Variants in RIN3 observed in about 807,000 individuals in gnomAD.
The protein encoded by RIN3 is Ras and Rab interactor 3.
In RIN3, 54 loss-of-function variants were observed where a neutral mutation model predicts 76.3. That is an observed-to-expected ratio of 0.71 (90% CI 0.57 to 0.89). RIN3 has a LOEUF of 0.89. Among genes scored for constraint, RIN3 ranks in the 40% least tolerant of loss-of-function variants. RIN3 has a pLI of 0.00. For synonymous variants in RIN3, 576 were observed against 564.0 expected (o/e 1.02, Z -0.30); for missense variants, 1,256 against 1,322.1 (o/e 0.95, Z 0.78).
intron 1 of RIN3, among the ~76,000 whole-genome samples, chr14:92,518,310 C>T (rs949966167): frequency 6.6e-6 from 1 of 152,240 alleles, no homozygotes; most frequent in African/African-American, 2.4e-5. Context: ...CTTGGCACTC[C>T]ATAAATGCTT....
At position 92,685,972 on chromosome 14, in the gene RIN3, C is replaced by A. The variant is rs1888842348; in HGVS notation, c.2631+822C>A. On this transcript the variant is annotated intron_variant, in intron 9 of 9. Transcript: ENST00000216487. This position sits in a 1 kb window ranked among gnomAD's most constrained non-coding sequence, Gnocchi z 4.7. ...TCATCCTCTGCATATGAAGCTGTCA[C>A]CTCTGGGAGGGCACAGCCCATGGTT... The A allele has an allele frequency of 6.6e-6, 1 of 152,470 alleles. No homozygotes were observed. Among genetic ancestry groups the A allele is most frequent in the Non-Finnish European group, 1.5e-5 (1 of 68,242 alleles). The allele number at this position is 152,470 out of a possible 1,614,324, so 9.4% of individuals were successfully genotyped here. A position where few individuals can be genotyped will look rare whatever the true frequency, so the allele number is the denominator to read the frequency against.
At chr14:92,543,743 C>T (rs1296477937) in intron 1 of RIN3, among the ~76,000 whole-genome samples, 4 of 151,416 alleles carry the variant, frequency 2.6e-5, no homozygotes, top group Admixed American at 1.3e-4. Flanking sequence ...CCACCACACC[C>T]GGCTAATTTT....
intron 4 of RIN3, among the ~76,000 whole-genome samples, chr14:92,616,489 A>G (rs1454985003): frequency 1.3e-5 from 2 of 152,128 alleles, no homozygotes; most frequent in African/African-American, 2.4e-5. Context: ...AATCAGCCTT[A>G]TGTTCCCTGC....
At chr14:92,634,711 A>T (rs1886714078) in intron 4 of RIN3, among the ~76,000 whole-genome samples, 1 of 152,094 alleles carries the variant, frequency 6.6e-6, no homozygotes, top group Non-Finnish European at 1.5e-5. Context: ...TACAAACTTT[A>T]GCTGGGGGTG....
chr14:92,658,360 G>T (rs1463538465), intron 6 of RIN3, among the ~76,000 whole-genome samples: 1 of 152,236 alleles, frequency 6.6e-6, no homozygotes, highest in East Asian at 1.9e-4. Flanking sequence ...GCAGGAGCAG[G>T]CCTGGCAGTT....
chr14:92,523,149 G>C (rs1012533849), intron 1 of RIN3, among the ~76,000 whole-genome samples: 1 of 152,168 alleles, frequency 6.6e-6, no homozygotes, highest in African/African-American at 2.4e-5. Flanking sequence ...TTTTGCTCTT[G>C]TCACCCAGGC....
At chr14:92,624,600 G>A (rs1488273048) in intron 4 of RIN3, among the ~76,000 whole-genome samples, 1 of 152,066 alleles carries the variant, frequency 6.6e-6, no homozygotes, top group Non-Finnish European at 1.5e-5. Context: ...GCTTCGGAGG[G>A]GCAGAGATAT....
chr14:92,548,124 T>G (rs1000436519), intron 1 of RIN3, among the ~76,000 whole-genome samples: 14 of 152,236 alleles, frequency 9.2e-5, no homozygotes, highest in African/African-American at 3.4e-4. Context: ...TGGAAATTAT[T>G]TCTATGTATA....
chr14:92,599,239 G>A lies in RIN3; in HGVS notation c.368-16168G>A, dbSNP rs147934056. On this transcript the variant is annotated intron_variant, in intron 3 of 9. Coordinates refer to ENST00000216487, the MANE Select transcript of RIN3 (RefSeq NM_024832.5). ...TGTGCCTGCTAAACAGAAGCCCCCC[G>A]CCCTTGGGGGTGTGAAGACTGGAGT... Among the ~76,000 whole-genome samples, 544 of 135,124 alleles carry A rather than the reference G, an allele frequency of 4.0e-3. 4 individuals carry two copies. Among genetic ancestry groups the A allele is most frequent in the African/African-American group, 0.014 (511 of 36,480 alleles). 88.6% of individuals were successfully genotyped at this position (135,124 alleles called of 152,430 possible).
chr14:92,672,265 A>T (rs1888310488), intron 7 of RIN3, among the ~76,000 whole-genome samples: 1 of 152,106 alleles, frequency 6.6e-6, no homozygotes, highest in Non-Finnish European at 1.5e-5. Context: ...TACAAAAATT[A>T]GCCAGGCGTG....
chr14:92,673,438 C>A (rs1236340247), intron 7 of RIN3, among the ~76,000 whole-genome samples: 1 of 151,666 alleles, frequency 6.6e-6, no homozygotes, highest in African/African-American at 2.4e-5. Flanking sequence ...AAGATAAGTA[C>A]TATTTTAATG....
At chr14:92,520,111 G>T (rs1205113744) in intron 1 of RIN3, among the ~76,000 whole-genome samples, 1 of 152,216 alleles carries the variant, frequency 6.6e-6, no homozygotes, top group Non-Finnish European at 1.5e-5. Flanking sequence ...ATACCCAGGG[G>T]TGCCCCCACC....
At chr14:92,661,360 C>T (rs1313627766) in intron 7 of RIN3, among the ~76,000 whole-genome samples, 2 of 152,180 alleles carry the variant, frequency 1.3e-5, no homozygotes, top group African/African-American at 4.8e-5. Flanking sequence ...AGATCTGGTA[C>T]AGGACACAAT....
At chr14:92,529,998 G>T (rs751477495) in intron 1 of RIN3, among the ~76,000 whole-genome samples, 1 of 152,214 alleles carries the variant, frequency 6.6e-6, no homozygotes. Context: ...CCAGACGCTT[G>T]CAGGAACCTA....
rs145231702 is a variant in RIN3, at chr14:92,672,218, C to T, written c.2336-4257C>T. Among the ~76,000 whole-genome samples the T allele has an allele frequency of 1.8e-3, 268 of 151,888 alleles. 1 individual carries two copies. Among genetic ancestry groups the T allele is most frequent in the African/African-American group, 5.7e-3 (238 of 41,394 alleles). On this transcript the variant is annotated intron_variant, in intron 7 of 9. Coordinates refer to ENST00000216487, the MANE Select transcript of RIN3 (RefSeq NM_024832.5). ...GTCAGGAGTTTGAGACTAGCCTGTC[C>T]GACATGGCAAAATCCCATCTCTACT...
intron 4 of RIN3, among the ~76,000 whole-genome samples, chr14:92,634,156 C>T (rs113574183): frequency 6.7e-6 from 1 of 148,878 alleles, no homozygotes; most frequent in South Asian, 2.1e-4. Flanking sequence ...CTCACTGCAA[C>T]CTCCGCCTCC....
intron 1 of RIN3, among the ~76,000 whole-genome samples, chr14:92,520,923 T>A (rs983002019): frequency 3.3e-5 from 5 of 149,546 alleles, no homozygotes; most frequent in Non-Finnish European, 4.4e-5. Flanking sequence ...CAAGGACTTA[T>A]CTCTCTACCG....
chr14:92,671,284 C>T (rs1325885113), intron 7 of RIN3, among the ~76,000 whole-genome samples: 1 of 149,044 alleles, frequency 6.7e-6, no homozygotes, highest in African/African-American at 2.5e-5. Context: ...TGGGAGAGCA[C>T]AAGAAGTTGA....
intron 1 of RIN3, among the ~76,000 whole-genome samples, chr14:92,520,939 A>G (rs2139992591): frequency 7.4e-6 from 1 of 134,354 alleles, no homozygotes; most frequent in South Asian, 2.1e-4. Context: ...TACCGATGGC[A>G]TCTGGTGACA....
Sources: gnomAD v4.1 joint callset for allele counts (sites outside exome capture counted in the v4.1 genomes callset) on GRCh38, gnomAD v4.1.1 for gene constraint, Gnocchi (gnomAD v3.1) non-coding constraint, MANE v1.5 for transcripts, NCBI Gene and HGNC (gene_info 2026-07-23, HGNC 2026-07-21) for gene names.